The following RANBP17 variants were observed in gnomAD, a reference collection of about 807,000 sequenced individuals.
RANBP17 encodes ran-binding protein 17.
In RANBP17, 158 loss-of-function variants were observed where a neutral mutation model predicts 141.2. The ratio of observed to expected loss-of-function variants is 1.12; its 90% confidence interval spans 0.98 to 1.28. The LOEUF (loss-of-function observed/expected upper bound fraction) is 1.28, where lower values mean the gene tolerates loss of function less well. Among genes scored for constraint, RANBP17 ranks in the 50% most tolerant of loss-of-function variants. The pLI, the probability that RANBP17 is intolerant of heterozygous loss-of-function variation, is 0.00. For missense variants in RANBP17, 1,438 were observed against 1,290.7 expected (o/e 1.11, Z -1.75); for synonymous variants, 430 against 450.0 (o/e 0.96, Z 0.56).
intron 14 of RANBP17, among the ~76,000 whole-genome samples, chr5:171,025,243 A>C (rs1424233063): frequency 6.6e-6 from 1 of 150,416 alleles, no homozygotes; most frequent in African/African-American, 2.5e-5. Flanking sequence ...CCATAGCCAG[A>C]GTTACTGTAA....
chr5:170,936,535 G>A (rs1773895163), intron 12 of RANBP17, among the ~76,000 whole-genome samples: 1 of 152,064 alleles, frequency 6.6e-6, no homozygotes, highest in Non-Finnish European at 1.5e-5. Context: ...AATATTTAGA[G>A]TTTTCCTAGT....
chr5:171,192,779 T>C (rs1315757351), intron 18 of RANBP17, among the ~76,000 whole-genome samples: 1 of 152,190 alleles, frequency 6.6e-6, no homozygotes, highest in African/African-American at 2.4e-5. Flanking sequence ...CTTCAATATT[T>C]AGGGCTATTA....
intron 16 of RANBP17, among the ~76,000 whole-genome samples, chr5:171,181,145 A>G (rs554704972): frequency 6.6e-6 from 1 of 152,264 alleles, no homozygotes; most frequent in South Asian, 2.1e-4. Context: ...AGGCAAGGAA[A>G]AACTTGCTAC....
chr5:171,109,623 T>TA (rs1755079602), intron 14 of RANBP17, among the ~76,000 whole-genome samples: 1 of 152,210 alleles, frequency 6.6e-6, no homozygotes, highest in South Asian at 2.1e-4. Context: ...AAATCATCTC[T>TA]AAATTATTTA....
intron 14 of RANBP17, among the ~76,000 whole-genome samples, chr5:171,053,614 TTTTTGTAGAC>T (rs1783110785): frequency 1.3e-5 from 2 of 151,992 alleles, no homozygotes; most frequent in South Asian, 4.1e-4. Flanking sequence ...TGTAGTAGAT[TTTTTGTAGAC>T]TTTTGTAGAT....
At chr5:171,272,266 A>T (rs933700904) in intron 25 of RANBP17, among the ~76,000 whole-genome samples, 11 of 152,220 alleles carry the variant, frequency 7.2e-5, no homozygotes, top group Non-Finnish European at 1.3e-4. Context: ...TGCGTGACAA[A>T]GTAATCTGTA....
At chr5:170,903,696 T>A in intron 5 of RANBP17, 1 of 305,096 alleles carries the variant, frequency 3.3e-6, no homozygotes, top group Non-Finnish European at 6.8e-6. Flanking sequence ...CCATTGACAG[T>A]CTTTATTTGA....
chr5:171,234,146 A>G (rs984827738), intron 22 of RANBP17, among the ~76,000 whole-genome samples: 2 of 152,202 alleles, frequency 1.3e-5, no homozygotes, highest in Non-Finnish European at 2.9e-5. Flanking sequence ...TCTCATTGAA[A>G]ATATGACATT....
intron 24 of RANBP17, among the ~76,000 whole-genome samples, chr5:171,249,724 A>T (rs1033707560): frequency 6.6e-6 from 1 of 152,208 alleles, no homozygotes; most frequent in African/African-American, 2.4e-5. Context: ...GACAAAAAAA[A>T]TTTGAAAGAA....
At chr5:171,150,532 T>C (rs1057114733) in intron 14 of RANBP17, among the ~76,000 whole-genome samples, 2 of 152,110 alleles carry the variant, frequency 1.3e-5, no homozygotes, top group Non-Finnish European at 2.9e-5. Context: ...TAAAAATATA[T>C]AGTATTTATA....
intron 25 of RANBP17, among the ~76,000 whole-genome samples, chr5:171,274,531 T>C (rs944153587): frequency 6.6e-6 from 1 of 152,188 alleles, no homozygotes; most frequent in Non-Finnish European, 1.5e-5. Context: ...ACAAAATTGG[T>C]ATTTTAAAAC....
At chr5:171,019,254 G>A (rs1780672563) in intron 14 of RANBP17, among the ~76,000 whole-genome samples, 1 of 152,172 alleles carries the variant, frequency 6.6e-6, no homozygotes, top group Non-Finnish European at 1.5e-5. Context: ...TTTGGTATCA[G>A]GATGGTGCTG....
chr5:170,958,792 GC>G (rs1775925745), intron 13 of RANBP17, among the ~76,000 whole-genome samples: 2 of 152,064 alleles, frequency 1.3e-5, no homozygotes, highest in African/African-American at 4.8e-5. Flanking sequence ...ACTGAAACAT[GC>G]TACTTTAAAC....
In RANBP17 at chr5:171,265,066, T is replaced by G. The variant is rs188634658; in HGVS notation, c.2777-615T>G. ...ACCAGGATGAGGTTAGACCACTGTT[T>G]CCTGTAAAACAGAGCACTTTGCACT... On this transcript the variant is annotated intron_variant, in intron 24 of 27. Coordinates refer to ENST00000523189, the MANE Select transcript of RANBP17 (RefSeq NM_022897.5). 1.7e-3 allele frequency among the ~76,000 whole-genome samples: 255 copies of G among 152,336 alleles called. 1 individual carries two copies. Among genetic ancestry groups the G allele is most frequent in the Middle Eastern group, 3.4e-3 (1 of 294 alleles).
intron 14 of RANBP17, among the ~76,000 whole-genome samples, chr5:170,985,136 GACAC>G (rs1203749888): frequency 3.1e-4 from 47 of 149,886 alleles, no homozygotes; most frequent in African/African-American, 1.1e-3. Context: ...CACAAACACA[GACAC>G]ACACAAATGC....
At chr5:170,890,319 C>A (rs1227222105) in intron 3 of RANBP17, among the ~76,000 whole-genome samples, 1 of 152,088 alleles carries the variant, frequency 6.6e-6, no homozygotes, top group Non-Finnish European at 1.5e-5. Flanking sequence ...TTACATGCAA[C>A]AAAGCTTAGA....
intron 24 of RANBP17, among the ~76,000 whole-genome samples, chr5:171,250,876 A>T (rs1765513954): frequency 6.6e-6 from 1 of 152,206 alleles, no homozygotes; most frequent in African/African-American, 2.4e-5. Context: ...CTACAATATA[A>T]TAATAGTGGA....
chr5:170,930,687 T>C (rs1418402757), intron 12 of RANBP17, among the ~76,000 whole-genome samples: 1 of 152,172 alleles, frequency 6.6e-6, no homozygotes, highest in Non-Finnish European at 1.5e-5. Context: ...TGGGATAGTT[T>C]GCTCAGAATG....
At chr5:170,910,947 T>C (rs1219844940) in intron 6 of RANBP17, 22 bp from the exon 7 acceptor site, 13 of 1,605,324 alleles carry the variant, frequency 8.1e-6, no homozygotes, top group Non-Finnish European at 1.1e-5. Context: ...CAGTGTTTTC[T>C]TTGATTTTGT....
Sources: allele counts gnomAD v4.1 joint callset (sites outside exome capture counted in the v4.1 genomes callset), GRCh38; gene constraint gnomAD v4.1.1; transcripts MANE v1.5; gene names NCBI Gene and HGNC (gene_info 2026-07-23, HGNC 2026-07-21).